AEBP2: variants seen among roughly 807,000 people sequenced by gnomAD.
The protein encoded by AEBP2 is zinc finger protein AEBP2.
Under a neutral mutation model 50.8 loss-of-function variants are expected in AEBP2, and 10 were observed. That is an observed-to-expected ratio of 0.20 (90% CI 0.12 to 0.33). The LOEUF is 0.33. AEBP2 is among the 10% of genes least tolerant of loss of function. AEBP2 has a pLI of 1.00. For synonymous variants in AEBP2, 296 were observed against 261.3 expected, an observed-to-expected ratio of 1.13 and a Z score of -1.28; for missense variants, 570 against 688.0, an observed-to-expected ratio of 0.83 and a Z score of 1.92.
rs554564245 is a variant in AEBP2, at chr12:19,424,576, T to G, written c.-17+20360T>G. Among the ~76,000 whole-genome samples the G allele has an allele frequency of 2.9e-3, 435 of 151,998 alleles. 1 individual carries two copies. The highest frequency in any genetic ancestry group is 9.9e-3 in the African/African-American group (411 of 41,512). On this transcript the variant is annotated intron_variant, in intron 1 of 3. Transcript: ENST00000538425. ...CTCGCCTGGCTAATTTTTTGTATTT[T>G]TAGTAGAGACGGGGTTTCACCCTGT...
At chr12:19,486,052 C>T (rs1197813129) in intron 3 of AEBP2, among the ~76,000 whole-genome samples, 3 of 136,988 alleles carry the variant, frequency 2.2e-5, no homozygotes, top group East Asian at 2.2e-4. Context: ...TTCTTATGTT[C>T]GTATGCACAT....
At chr12:19,489,432 A>G (rs1948863120) in intron 3 of AEBP2, among the ~76,000 whole-genome samples, 1 of 152,296 alleles carries the variant, frequency 6.6e-6, no homozygotes, top group African/African-American at 2.4e-5. Context: ...TGATCCAGTC[A>G]CTTGGGAGGT....
intron 1 of AEBP2, among the ~76,000 whole-genome samples, chr12:19,433,129 T>A (rs1261640108): frequency 6.6e-6 from 1 of 152,180 alleles, no homozygotes; most frequent in African/African-American, 2.4e-5. Context: ...CTCACGCCTA[T>A]AATCTTGGCA....
intron 3 of AEBP2, among the ~76,000 whole-genome samples, chr12:19,474,573 A>G (rs1948620261): frequency 6.6e-6 from 1 of 152,104 alleles, no homozygotes; most frequent in Non-Finnish European, 1.5e-5. Context: ...AAGCAGATAA[A>G]TATGTAGTCT....
chr12:19,407,493 G>A (rs1002101630), intron 1 of AEBP2, among the ~76,000 whole-genome samples: 3 of 151,902 alleles, frequency 2.0e-5, no homozygotes, highest in Non-Finnish European at 2.9e-5. Flanking sequence ...TAGTAGAGAC[G>A]GGGTTTCACC....
At chr12:19,483,633 C>G (rs1948763151) in intron 3 of AEBP2, among the ~76,000 whole-genome samples, 1 of 152,072 alleles carries the variant, frequency 6.6e-6, no homozygotes, top group African/African-American at 2.4e-5. Flanking sequence ...CCCGATTGTA[C>G]CTTGCTTTTT....
In AEBP2 at chr12:19,440,212, C is replaced by G; in HGVS notation, c.513C>G (p.Gly171=). 4 of 1,454,108 alleles carry G rather than the reference C, an allele frequency of 2.8e-6. No individual in the cohort carries two copies. Among genetic ancestry groups the G allele is most frequent in the African/African-American group, 3.0e-5 (2 of 67,352 alleles). The allele number at this position is 1,454,108 out of a possible 1,614,324, so 90.1% of individuals were successfully genotyped here. Reference sequence around the variant, plus strand: ...GACCGCGGGGCAGCCAGGGCGGCGGCGGGGGCGGCAGCAGTAGCAGCAGCG... The same window carrying G: ...GACCGCGGGGCAGCCAGGGCGGCGGGGGGGGCGGCAGCAGTAGCAGCAGCG... ...PKGPRGSQGG[G]GGGSSSSSVV... The change falls in exon 1 of 8, where the codon GGC becomes GGG. Residue 171 remains glycine, a synonymous_variant. Coordinates refer to ENST00000266508, the MANE Select transcript of AEBP2 (RefSeq NM_153207.5).
At chr12:19,407,037 C>G (rs757392243) in intron 1 of AEBP2, among the ~76,000 whole-genome samples, 54 of 152,202 alleles carry the variant, frequency 3.5e-4, no homozygotes, top group Non-Finnish European at 6.9e-4. Flanking sequence ...CATGGTGTCT[C>G]ACACTTGTAA....
chr12:19,481,824 A>C (rs552969768), intron 3 of AEBP2, among the ~76,000 whole-genome samples: 8 of 152,082 alleles, frequency 5.3e-5, no homozygotes, highest in Non-Finnish European at 1.0e-4. Flanking sequence ...TATTTCTAGA[A>C]GTTGTGATTG....
chr12:19,449,086 T>G (rs994348446), intron 1 of AEBP2, among the ~76,000 whole-genome samples: 2 of 152,154 alleles, frequency 1.3e-5, no homozygotes, highest in Non-Finnish European at 2.9e-5. Flanking sequence ...TCAACATGTG[T>G]TTTGAGGTGT....
In AEBP2 at chr12:19,439,980, G is replaced by A. The variant is rs1214434641; in HGVS notation, c.281G>A (p.Gly94Glu). 1.3e-6 allele frequency: 2 copies of A among 1,524,294 alleles called. No individual in the cohort carries two copies. Among genetic ancestry groups the A allele is most frequent in the East Asian group, 2.6e-5 (1 of 38,396 alleles). 94.4% of individuals were successfully genotyped at this position (1,524,294 alleles called of 1,614,324 possible). ...EPSPESASQA[G>E]EDEDEEEDDE... is the part of the protein sequence containing the mutation. ...AGCCCCGAGAGCGCCAGCCAGGCCG[G>A]GGAGGACGAAGACGAGGAGGAGGAC... is the stretch of plus-strand genomic sequence containing the variant. The change falls in exon 1 of 8, where the codon GGG becomes GAG. Residue 94 changes from glycine (G) to glutamate (E), a missense_variant. Gly to Glu is a moderately conservative substitution (Grantham distance 98, BLOSUM62 -2). Coordinates refer to ENST00000266508, the MANE Select transcript of AEBP2 (RefSeq NM_153207.5).
chr12:19,484,623 T>G (rs1948780559), intron 3 of AEBP2, among the ~76,000 whole-genome samples: 1 of 152,118 alleles, frequency 6.6e-6, no homozygotes, highest in Non-Finnish European at 1.5e-5. Flanking sequence ...TCCGCCCGCC[T>G]TGGCCTCACA....
chr12:19,485,570 G>A (rs1187499505), intron 3 of AEBP2, among the ~76,000 whole-genome samples: 1 of 151,842 alleles, frequency 6.6e-6, no homozygotes, highest in Non-Finnish European at 1.5e-5. Context: ...TTAGCCGGGC[G>A]TGTTGGCATG....
intron 3 of AEBP2, among the ~76,000 whole-genome samples, chr12:19,477,335 AT>A (rs1197685501): frequency 1.3e-5 from 2 of 152,190 alleles, no homozygotes; most frequent in Middle Eastern, 3.4e-3. Context: ...TCTAGTACTT[AT>A]GTTGAATGGA....
chr12:19,446,470 C>A (rs538475064), intron 1 of AEBP2, among the ~76,000 whole-genome samples: 141 of 152,238 alleles, frequency 9.3e-4, no homozygotes, highest in Non-Finnish European at 1.8e-3. Flanking sequence ...TAGCTCACGC[C>A]TGTAATCCCA....
chr12:19,438,601 T>G (rs1249621427), upstream of AEBP2, among the ~76,000 whole-genome samples: 1 of 152,244 alleles, frequency 6.6e-6, no homozygotes, highest in African/African-American at 2.4e-5. Flanking sequence ...TAGATTTGTT[T>G]TGATCGGTTG....
intron 1 of AEBP2, among the ~76,000 whole-genome samples, chr12:19,426,410 C>G (rs1336117395): frequency 1.3e-5 from 2 of 152,164 alleles, no homozygotes; most frequent in African/African-American, 4.8e-5. Flanking sequence ...TCTTTGGTAA[C>G]TACTGTTATC....
chr12:19,458,057 G>A (rs141689961), intron 1 of AEBP2, among the ~76,000 whole-genome samples: 7 of 152,268 alleles, frequency 4.6e-5, no homozygotes, highest in Admixed American at 3.9e-4. Context: ...TTTAACATAT[G>A]TATGGTCCTA....
intron 3 of AEBP2, among the ~76,000 whole-genome samples, chr12:19,482,632 G>C (rs2120358068): frequency 6.6e-6 from 1 of 152,270 alleles, no homozygotes; most frequent in Middle Eastern, 3.4e-3. Context: ...CAAGTATTTT[G>C]GCTTCTGGCG....
Sources: allele counts gnomAD v4.1 joint callset (sites outside exome capture counted in the v4.1 genomes callset), GRCh38; gene constraint gnomAD v4.1.1; transcripts MANE v1.5; gene names NCBI Gene and HGNC (gene_info 2026-07-23, HGNC 2026-07-21).